CSMD2: variants seen among roughly 807,000 people sequenced by gnomAD.
CSMD2 encodes CUB and sushi domain-containing protein 2.
Under a neutral mutation model 398.5 loss-of-function variants are expected in CSMD2, and 130 were observed. The ratio of observed to expected loss-of-function variants is 0.33; its 90% CI spans 0.28 to 0.38. The LOEUF (loss-of-function observed/expected upper bound fraction) is 0.38, where lower values mean the gene tolerates loss of function less well. CSMD2 is among the 10% of genes least tolerant of loss of function. The pLI is 1.00. For missense variants in CSMD2, 3,829 were observed against 4,764.9 expected (o/e 0.80, Z 5.78); for synonymous variants, 1,828 against 1,908.5 (o/e 0.96, Z 1.10).
chr1:33,932,376 G>A (rs1207830249), intron 4 of CSMD2, among the ~76,000 whole-genome samples: 1 of 152,112 alleles, frequency 6.6e-6, no homozygotes, highest in Non-Finnish European at 1.5e-5. Flanking sequence ...GGGCCCTCCA[G>A]TATTTAAGGG....
intron 19 of CSMD2, among the ~76,000 whole-genome samples, chr1:33,721,634 T>C (rs984678702): frequency 6.6e-6 from 1 of 152,122 alleles, no homozygotes; most frequent in Non-Finnish European, 1.5e-5. Context: ...AGGAACAATG[T>C]TGTGGGAAGC....
At chr1:33,608,191 T>A (rs1640759047) in intron 41 of CSMD2, among the ~76,000 whole-genome samples, 1 of 152,106 alleles carries the variant, frequency 6.6e-6, no homozygotes, top group South Asian at 2.1e-4. Flanking sequence ...TAGTTAGGCC[T>A]CTTCTGTCGA....
At position 34,102,655 on chromosome 1, in the gene CSMD2, A is replaced by ATCTGG. The variant is rs1558390646; in HGVS notation, c.188-13463_188-13462insCCAGA. Among the ~76,000 whole-genome samples, 295 of 73,642 alleles carry ATCTGG rather than the reference A, an allele frequency of 4.0e-3. 20 individuals are homozygous for ATCTGG. The highest frequency in any genetic ancestry group is 0.013 in the African/African-American group (270 of 20,092). 48.3% of individuals were successfully genotyped at this position (73,642 alleles called of 152,430 possible). ...AATCCGGCCATATCCCTGTAATCCA[A>ATCTGG]CCATATCCCTGTAATCCGGCCATAT... On this transcript the variant is annotated intron_variant, in intron 1 of 70. Coordinates refer to ENST00000373381, the MANE Select transcript of CSMD2 (RefSeq NM_001281956.2).
At chr1:33,789,471 T>C (rs79015830) in intron 11 of CSMD2, among the ~76,000 whole-genome samples, 20,234 of 152,322 alleles carry the variant, frequency 0.13, 1,703 homozygotes, top group African/African-American at 0.24. Context: ...CAGTGGCTTC[T>C]CCAAGGTCAA....
chr1:33,820,565 C>CAAAA lies in CSMD2; in HGVS notation c.1112-13_1112-10dup, dbSNP rs753962666. On this transcript the variant is annotated splice_polypyrimidine_tract_variant and intron_variant, in intron 7 of 70. Coordinates refer to ENST00000373381, the MANE Select transcript of CSMD2 (RefSeq NM_001281956.2). ...CACACCAACCTGAGTTACTACAAGGCAAAAAAAAAAAAAAAAAAAAAAACA... is the reference window on the plus strand; with the variant it reads ...CACACCAACCTGAGTTACTACAAGGCAAAAAAAAAAAAAAAAAAAAAAAAAAACA... The CAAAA allele has an allele frequency of 1.7e-3, 762 of 443,822 alleles. 5 individuals carry two copies. Among genetic ancestry groups the CAAAA allele is most frequent in the South Asian group, 4.5e-3 (145 of 32,274 alleles). The allele number at this position is 443,822 out of a possible 1,614,324, so 27.5% of individuals were successfully genotyped here. A position where few individuals can be genotyped will look rare whatever the true frequency, so the allele number is the denominator to read the frequency against.
chr1:33,902,827 A>G (rs1319278587), intron 5 of CSMD2, among the ~76,000 whole-genome samples: 13 of 152,156 alleles, frequency 8.5e-5, no homozygotes, highest in Admixed American at 8.5e-4. Flanking sequence ...AAGCCTGTTC[A>G]TCACCCTCTG....
At chr1:33,638,065 GC>G (rs1486408133) in intron 29 of CSMD2, among the ~76,000 whole-genome samples, 1 of 152,146 alleles carries the variant, frequency 6.6e-6, no homozygotes, top group Non-Finnish European at 1.5e-5. Flanking sequence ...TTAAGTCGTT[GC>G]CCGCAGCTGA....
At chr1:33,981,100 C>G (rs1289009526) in intron 3 of CSMD2, among the ~76,000 whole-genome samples, 3 of 152,174 alleles carry the variant, frequency 2.0e-5, no homozygotes, top group African/African-American at 7.2e-5. Context: ...GGAGAAAGTG[C>G]AGGGACCCAG....
intron 60 of CSMD2, among the ~76,000 whole-genome samples, chr1:33,540,055 A>T (rs1238789171): frequency 6.6e-6 from 1 of 152,230 alleles, no homozygotes; most frequent in African/African-American, 2.4e-5. Context: ...TGGGGATCTC[A>T]GTAAAGAGTA....
chr1:33,631,371 A>C (rs1318165163), intron 32 of CSMD2, among the ~76,000 whole-genome samples: 1 of 152,124 alleles, frequency 6.6e-6, no homozygotes, highest in Non-Finnish European at 1.5e-5. Flanking sequence ...CATGGAAGAA[A>C]ATAAAAGAAA....
chr1:33,865,070 G>A (rs371501442), intron 5 of CSMD2, among the ~76,000 whole-genome samples: 3 of 151,180 alleles, frequency 2.0e-5, no homozygotes, highest in South Asian at 4.2e-4. Flanking sequence ...CTGGGTGGGA[G>A]CCTCCAGGTG....
chr1:33,658,925 G>A (rs1436426847), intron 26 of CSMD2, among the ~76,000 whole-genome samples: 1 of 152,170 alleles, frequency 6.6e-6, no homozygotes, highest in Non-Finnish European at 1.5e-5. Flanking sequence ...AGGACTTTGC[G>A]AGTTGGCCTG....
intron 41 of CSMD2, among the ~76,000 whole-genome samples, chr1:33,610,527 T>C (rs72662029): frequency 0.11 from 16,171 of 152,164 alleles, 954 homozygotes; most frequent in Non-Finnish European, 0.14. Flanking sequence ...GGGATCCCAC[T>C]TCAGAGAGGT....
chr1:33,636,484 C>T lies in CSMD2; in HGVS notation c.4845G>A (p.Lys1615=), dbSNP rs1487772417. The T allele has an allele frequency of 4.3e-6, 7 of 1,614,050 alleles. No individual in the cohort carries two copies. The highest frequency in any genetic ancestry group is 1.1e-5 in the South Asian group (1 of 91,080). Residue 1615 remains lysine (K), a synonymous_variant, in exon 30 of 71, where the codon AAG becomes AAA. Coordinates refer to ENST00000373381, the MANE Select transcript of CSMD2 (RefSeq NM_001281956.2). The surrounding 1 kb of genome is among the most constrained non-coding windows in gnomAD (Gnocchi z 4.8). ...KNGTRVGSDL[K]LGSSVTYYCH... ...AGTAGTAGGTGACGGAGGAGCCCAGCTTCAGGTCGGACCCCACCCGTGTGC... is the reference window on the plus strand; with the variant it reads ...AGTAGTAGGTGACGGAGGAGCCCAGTTTCAGGTCGGACCCCACCCGTGTGC...
At chr1:34,097,209 AT>A in intron 1 of CSMD2, among the ~76,000 whole-genome samples, 1 of 151,094 alleles carries the variant, frequency 6.6e-6, no homozygotes, top group African/African-American at 2.5e-5. Context: ...GGCTAGCCAT[AT>A]GTAGAAAGCT....
chr1:33,783,523 A>C (rs901859627), intron 12 of CSMD2, among the ~76,000 whole-genome samples: 8 of 150,584 alleles, frequency 5.3e-5, no homozygotes, highest in Admixed American at 1.3e-4. Flanking sequence ...CATGGTGAGA[A>C]GGTAGCTGTC....
At chr1:33,561,204 T>C (rs971744271) in intron 53 of CSMD2, among the ~76,000 whole-genome samples, 1 of 152,152 alleles carries the variant, frequency 6.6e-6, no homozygotes, top group African/African-American at 2.4e-5. Context: ...TTCTCTTCTG[T>C]AAATCTCAGT....
At chr1:34,088,897 C>T in intron 2 of CSMD2, 80 bp downstream of exon 2, 2 of 1,195,454 alleles carry the variant, frequency 1.7e-6, no homozygotes, top group South Asian at 1.3e-5. Context: ...ATAAACTTTT[C>T]ACTCGAGAAA....
chr1:33,872,202 G>C (rs937176278), intron 5 of CSMD2, among the ~76,000 whole-genome samples: 2 of 152,222 alleles, frequency 1.3e-5, no homozygotes, highest in Admixed American at 1.3e-4. Context: ...TAGTGATCTA[G>C]CTATGGAGAT....
Sources: gnomAD v4.1 joint callset for allele counts (sites outside exome capture counted in the v4.1 genomes callset) on GRCh38, gnomAD v4.1.1 for gene constraint, Gnocchi (gnomAD v3.1) non-coding constraint, MANE v1.5 for transcripts, NCBI Gene and HGNC (gene_info 2026-07-23, HGNC 2026-07-21) for gene names.